Variants in MTHFD1L observed in about 807,000 individuals in gnomAD.
MTHFD1L encodes the protein monofunctional C1-tetrahydrofolate synthase, mitochondrial.
A neutral mutation model predicts 119.5 loss-of-function variants in MTHFD1L; 81 were observed. That is an observed-to-expected ratio of 0.68 (90% confidence interval 0.57 to 0.82). MTHFD1L has a LOEUF of 0.82. Ranked by LOEUF, MTHFD1L falls within the 40% of genes least tolerant of loss-of-function variation. MTHFD1L has a pLI of 0.00. For synonymous variants in MTHFD1L, 430 were observed against 475.2 expected, an observed-to-expected ratio of 0.90 and a Z score of 1.24; for missense variants, 1,125 against 1,253.4, an observed-to-expected ratio of 0.90 and a Z score of 1.55.
At chr6:150,900,492 A>G (rs1425464950) in intron 7 of MTHFD1L, among the ~76,000 whole-genome samples, 1 of 152,048 alleles carries the variant, frequency 6.6e-6, no homozygotes, top group Non-Finnish European at 1.5e-5. Context: ...ACCATCACCT[A>G]AATGCTGTGT....
chr6:150,925,180 C>T (rs912213316), intron 10 of MTHFD1L, among the ~76,000 whole-genome samples: 1 of 152,128 alleles, frequency 6.6e-6, no homozygotes, highest in Non-Finnish European at 1.5e-5. Flanking sequence ...CAGACCACAA[C>T]AAAAATAAGT....
chr6:150,892,865 C>T (rs931588564), intron 7 of MTHFD1L, among the ~76,000 whole-genome samples: 2 of 152,124 alleles, frequency 1.3e-5, no homozygotes, highest in African/African-American at 4.8e-5. Flanking sequence ...TTCTAGCCTT[C>T]CTTGGAGTCG....
At chr6:151,067,409 G>A (rs117103445) in intron 26 of MTHFD1L, among the ~76,000 whole-genome samples, 4 of 151,492 alleles carry the variant, frequency 2.6e-5, no homozygotes, top group African/African-American at 7.3e-5. Context: ...CTGCAGCTTC[G>A]ACCTCCTACG....
At chr6:151,016,523 A>G (rs941714708) in intron 24 of MTHFD1L, among the ~76,000 whole-genome samples, 2 of 149,710 alleles carry the variant, frequency 1.3e-5, no homozygotes, top group African/African-American at 5.1e-5. Context: ...GGGTTTCACC[A>G]TCTTGGGCAG....
intron 16 of MTHFD1L, among the ~76,000 whole-genome samples, chr6:150,955,594 G>C (rs778174394): frequency 6.6e-6 from 1 of 150,812 alleles, no homozygotes; most frequent in Non-Finnish European, 1.5e-5. Context: ...CCGCCTCCCA[G>C]GTTCAAGTAA....
chr6:150,956,038 G>A lies in MTHFD1L; in HGVS notation c.1770G>A (p.Gly590=). Residue 590 remains glycine (G), a synonymous_variant, in exon 17 of 28, where the codon GGG becomes GGA. Transcript: ENST00000367321. ...NDRFLRKITI[G]QGNTEKGHYR... Reference sequence around the variant, plus strand: ...GATTTCTACGAAAAATAACCATCGGGCAGGGAAACACAGAGAAGGGCCATT... The same window carrying A: ...GATTTCTACGAAAAATAACCATCGGACAGGGAAACACAGAGAAGGGCCATT... The A allele has an allele frequency of 6.2e-7, 1 of 1,614,126 alleles. No individual in the cohort carries two copies. Among genetic ancestry groups the A allele is most frequent in the Non-Finnish European group, 8.5e-7 (1 of 1,179,972 alleles).
intron 7 of MTHFD1L, among the ~76,000 whole-genome samples, chr6:150,894,361 AGT>A (rs1783863420): frequency 6.6e-6 from 1 of 152,082 alleles, no homozygotes; most frequent in Non-Finnish European, 1.5e-5. Context: ...GGAAGGAGAG[AGT>A]GTCTCCAGCT....
At chr6:150,939,128 A>G (rs1374548182) in intron 13 of MTHFD1L, 1 of 221,356 alleles carries the variant, frequency 4.5e-6, no homozygotes, top group Non-Finnish European at 9.3e-6. Context: ...GCGGGTCTGG[A>G]TGAGAGAATG....
At chr6:150,889,523 T>C (rs1042212803) in intron 7 of MTHFD1L, among the ~76,000 whole-genome samples, 1 of 152,194 alleles carries the variant, frequency 6.6e-6, no homozygotes, top group Admixed American at 6.5e-5. Context: ...GTAGAAGATA[T>C]TTACAACAAA....
At chr6:150,935,661 C>T (rs1382400996) in intron 11 of MTHFD1L, 8 of 847,050 alleles carry the variant, frequency 9.4e-6, no homozygotes, top group South Asian at 3.8e-5. Context: ...CCTGTCTGCC[C>T]TCCTGGATGC....
intron 24 of MTHFD1L, among the ~76,000 whole-genome samples, chr6:151,032,165 A>G (rs150396317): frequency 0.012 from 1,814 of 152,294 alleles, 29 homozygotes; most frequent in African/African-American, 0.041. Context: ...ACCCTGTGTT[A>G]GTTCACTCTC....
chr6:150,903,564 G>A (rs1785422748), intron 7 of MTHFD1L, among the ~76,000 whole-genome samples: 1 of 152,042 alleles, frequency 6.6e-6, no homozygotes, highest in Admixed American at 6.6e-5. Flanking sequence ...CCACAGGCAT[G>A]CCTCACCACA....
At chr6:151,077,478 A>T (rs1235354281) in intron 26 of MTHFD1L, among the ~76,000 whole-genome samples, 1 of 152,132 alleles carries the variant, frequency 6.6e-6, no homozygotes, top group Admixed American at 6.5e-5. Flanking sequence ...CCCCATCTCT[A>T]TTAATAGTAC....
intron 8 of MTHFD1L, among the ~76,000 whole-genome samples, chr6:150,915,611 G>A (rs1787721304): frequency 6.6e-6 from 1 of 151,698 alleles, no homozygotes; most frequent in Admixed American, 6.6e-5. Context: ...TTCTTTTTTA[G>A]ATTTTTTGAG....
intron 10 of MTHFD1L, among the ~76,000 whole-genome samples, chr6:150,922,640 CCCCA>C (rs199736825): frequency 0.11 from 11,951 of 113,438 alleles, 736 homozygotes; most frequent in African/African-American, 0.21. Context: ...TGTTTTCCCC[CCCCA>C]CCCTTTTTTT....
intron 17 of MTHFD1L, among the ~76,000 whole-genome samples, chr6:150,959,994 G>A (rs759277440): frequency 1.3e-5 from 2 of 152,204 alleles, no homozygotes; most frequent in African/African-American, 2.4e-5. Context: ...CCATGTGGTA[G>A]TGCTGTGAGC....
intron 20 of MTHFD1L, among the ~76,000 whole-genome samples, chr6:150,979,661 C>T (rs1190738894): frequency 3.3e-5 from 5 of 151,984 alleles, no homozygotes; most frequent in Non-Finnish European, 5.9e-5. Context: ...CCACCATGCC[C>T]GGCTAGTTTT....
rs370763551 is a variant in MTHFD1L at position 150,931,268 on chromosome 6, C to CT, written c.1256+4996dup. 4.6e-3 allele frequency among the ~76,000 whole-genome samples: 565 copies of CT among 123,676 alleles called. 4 individuals carry two copies. Among genetic ancestry groups the CT allele is most frequent in the East Asian group, 0.033 (113 of 3,448 alleles). The allele number at this position is 123,676 out of a possible 152,430, so 81.1% of individuals were successfully genotyped here. A position where few individuals can be genotyped will look rare whatever the true frequency, so the allele number is the denominator to read the frequency against. On this transcript the variant is annotated intron_variant, in intron 11 of 27. Transcript: ENST00000367321. ...ATTTGAATCATTCACATCATTTCATCTTTTTTTTTTTTTTTTTTTTTTTCT... is the reference window on the plus strand; with the variant it reads ...ATTTGAATCATTCACATCATTTCATCTTTTTTTTTTTTTTTTTTTTTTTTCT...
At chr6:151,001,250 A>C (rs1485064110) in intron 20 of MTHFD1L, among the ~76,000 whole-genome samples, 3 of 152,174 alleles carry the variant, frequency 2.0e-5, no homozygotes, top group Non-Finnish European at 4.4e-5. Context: ...CGACAGTTCT[A>C]ATTTCTTTAT....
Sources: gnomAD v4.1 joint callset for allele counts (sites outside exome capture counted in the v4.1 genomes callset) on GRCh38, gnomAD v4.1.1 for gene constraint, MANE v1.5 for transcripts, NCBI Gene and HGNC (gene_info 2026-07-23, HGNC 2026-07-21) for gene names.